PDE11A: variants seen among roughly 807,000 people sequenced by gnomAD.
PDE11A encodes the protein phosphodiesterase 11A, also known as dual 3',5'-cyclic-AMP and -GMP phosphodiesterase 11A.
PDE11A carries 100 observed loss-of-function variants against 100.5 expected under a neutral mutation model. The ratio of observed to expected loss-of-function variants is 1.00; its 90% CI spans 0.85 to 1.18. The LOEUF (loss-of-function observed/expected upper bound fraction) is 1.18, where lower values mean the gene tolerates loss of function less well. Among genes scored for constraint, PDE11A ranks in the 50% most tolerant of loss-of-function variants. The pLI, the probability that PDE11A is intolerant of heterozygous loss-of-function variation, is 0.00. For synonymous variants in PDE11A, 381 were observed against 420.8 expected, an observed-to-expected ratio of 0.91 and a Z score of 1.16; for missense variants, 1,141 against 1,152.6, an observed-to-expected ratio of 0.99 and a Z score of 0.15.
chr2:178,067,905 C>T (rs115096545), intron 1 of PDE11A, among the ~76,000 whole-genome samples: 21 of 152,294 alleles, frequency 1.4e-4, no homozygotes, highest in Middle Eastern at 3.4e-3. Flanking sequence ...ACCTGTAACC[C>T]TTCAGCGTCA....
At chr2:178,097,045 C>G (rs1361288906) in intron 2 of PDE11A, among the ~76,000 whole-genome samples, 2 of 152,120 alleles carry the variant, frequency 1.3e-5, no homozygotes, top group Non-Finnish European at 2.9e-5. Context: ...TGCCACCACA[C>G]CCGACTAATT....
intron 9 of PDE11A, among the ~76,000 whole-genome samples, chr2:177,812,589 A>G (rs1397401373): frequency 6.6e-6 from 1 of 152,138 alleles, no homozygotes; most frequent in Non-Finnish European, 1.5e-5. Flanking sequence ...GCAGGCAGAT[A>G]AGCTAGATAT....
intron 19 of PDE11A, among the ~76,000 whole-genome samples, chr2:177,655,421 C>G (rs1392997260): frequency 6.6e-6 from 1 of 152,182 alleles, no homozygotes; most frequent in Admixed American, 6.5e-5. Context: ...ATGCCTTCAC[C>G]TGCCAATTAT....
At chr2:177,666,294 T>A (rs918130886) in intron 18 of PDE11A, among the ~76,000 whole-genome samples, 3 of 152,264 alleles carry the variant, frequency 2.0e-5, no homozygotes, top group Non-Finnish European at 4.4e-5. Context: ...GATGTCTTAT[T>A]TATTTGTTCA....
intron 4 of PDE11A, among the ~76,000 whole-genome samples, chr2:177,876,720 T>G (rs1202771516): frequency 6.8e-6 from 1 of 148,132 alleles, no homozygotes; most frequent in East Asian, 1.9e-4. Context: ...TTCACACAAT[T>G]AAATAAGGCA....
intron 5 of PDE11A, among the ~76,000 whole-genome samples, chr2:177,840,830 C>G (rs1291145661): frequency 6.6e-6 from 1 of 152,128 alleles, no homozygotes; most frequent in Non-Finnish European, 1.5e-5. Context: ...ATTACAAATG[C>G]AGCAAAAGAA....
chr2:178,085,113 A>G (rs1267267982), intron 2 of PDE11A, among the ~76,000 whole-genome samples: 3 of 152,208 alleles, frequency 2.0e-5, no homozygotes, highest in Non-Finnish European at 4.4e-5. Context: ...AGAAATATTA[A>G]TAAATGTTTT....
intron 2 of PDE11A, among the ~76,000 whole-genome samples, chr2:177,914,191 AT>A (rs367835288): frequency 4.7e-4 from 71 of 151,846 alleles, no homozygotes; most frequent in African/African-American, 1.7e-3. Context: ...TATTTTGTTT[AT>A]TTTTTAGTGG....
chr2:177,719,403 T>C (rs1176235221), intron 12 of PDE11A, among the ~76,000 whole-genome samples: 3 of 152,180 alleles, frequency 2.0e-5, no homozygotes, highest in Non-Finnish European at 4.4e-5. Flanking sequence ...TGGATTCTGA[T>C]GTCCAGGCAC....
In PDE11A at chr2:177,629,003, G is replaced by A. The variant is rs6734528; in HGVS notation, c.*404C>T. On this transcript the variant is annotated 3_prime_UTR_variant, in exon 20 of 20. Transcript: ENST00000286063. ...CAGGGACAGGAAGCAAAGACAGGCA[G>A]TGTTTGGCTTGTAACAAACAGAAAA... 133,038 of 208,978 alleles carry A rather than the reference G, an allele frequency of 0.64. 45,959 individuals carry two copies. The highest frequency in any genetic ancestry group is 0.75 in the Admixed American group (14,270 of 19,018). 12.9% of individuals were successfully genotyped at this position (208,978 alleles called of 1,614,324 possible).
intron 9 of PDE11A, among the ~76,000 whole-genome samples, chr2:177,781,602 A>C (rs2082455439): frequency 2.0e-5 from 3 of 151,932 alleles, no homozygotes; most frequent in Non-Finnish European, 4.4e-5. Context: ...TGCTGGGTTC[A>C]AGAGATTCTC....
At chr2:177,957,650 G>T (rs890381146) in intron 2 of PDE11A, among the ~76,000 whole-genome samples, 5 of 152,114 alleles carry the variant, frequency 3.3e-5, no homozygotes, top group Non-Finnish European at 7.4e-5. Context: ...CCTCTCTCTT[G>T]TCACACTCAA....
chr2:178,015,228 GA>G (rs2086320586), intron 1 of PDE11A, among the ~76,000 whole-genome samples: 2 of 152,082 alleles, frequency 1.3e-5, no homozygotes, highest in African/African-American at 4.8e-5. Context: ...CTCTTTAGAA[GA>G]AAAATTAACA....
chr2:177,919,770 T>C (rs1169109662), intron 2 of PDE11A, among the ~76,000 whole-genome samples: 1 of 152,134 alleles, frequency 6.6e-6, no homozygotes, highest in Admixed American at 6.5e-5. Context: ...CTTAGAATGA[T>C]ATTTTTGGAA....
rs1195612679 is a variant in PDE11A, at chr2:178,072,136, C to T, written c.302G>A (p.Ser101Asn). ...ATCGCCCCTGCTGCCACCGGCCCAG[C>T]TGGGACTCAAGGGAACCCCACCACA... ...GDCGGVPLSP[S>N]WAGGSRGDGN... The change falls in exon 1 of 20, where the codon AGC becomes AAC. Residue 101 changes from serine (S) to asparagine (N), a missense_variant. Physicochemically the swap from Ser to Asn is conservative, Grantham distance 46. Transcript: ENST00000286063. 6.2e-7 allele frequency: 1 copy of T among 1,613,930 alleles called. No homozygotes were observed. The highest frequency in any genetic ancestry group is 1.7e-5 in the Admixed American group (1 of 60,024).
chr2:177,863,569 G>T (rs907828989), intron 5 of PDE11A, among the ~76,000 whole-genome samples: 1 of 151,928 alleles, frequency 6.6e-6, no homozygotes. Flanking sequence ...TGGCCAACAG[G>T]TACATCAAAA....
intron 9 of PDE11A, among the ~76,000 whole-genome samples, chr2:177,783,544 G>A (rs2082485684): frequency 6.6e-6 from 1 of 151,814 alleles, no homozygotes; most frequent in Non-Finnish European, 1.5e-5. Flanking sequence ...TTTTTCCTGA[G>A]GCCCTGCAAG....
At chr2:177,933,860 A>T (rs1224313084) in intron 2 of PDE11A, among the ~76,000 whole-genome samples, 1 of 152,202 alleles carries the variant, frequency 6.6e-6, no homozygotes. Flanking sequence ...CAACAACATC[A>T]ACAAAAATAA....
intron 5 of PDE11A, among the ~76,000 whole-genome samples, chr2:177,845,715 A>C (rs887083327): frequency 5.9e-5 from 9 of 152,072 alleles, no homozygotes; most frequent in African/African-American, 2.2e-4. Context: ...GCCGAGATCA[A>C]GCCACTGCAC....
Sources: gnomAD v4.1 joint callset for allele counts (sites outside exome capture counted in the v4.1 genomes callset) on GRCh38, gnomAD v4.1.1 for gene constraint, MANE v1.5 for transcripts, NCBI Gene and HGNC (gene_info 2026-07-23, HGNC 2026-07-21) for gene names.